The following EML6 variants were observed in gnomAD, a reference collection of about 807,000 sequenced individuals.
EML6 encodes EMAP like 6, also known as echinoderm microtubule-associated protein-like 6.
In EML6, 154 loss-of-function variants were observed where a neutral mutation model predicts 240.1. The ratio of observed to expected loss-of-function variants is 0.64; its 90% CI spans 0.56 to 0.73. The LOEUF (loss-of-function observed/expected upper bound fraction) is 0.73. Ranked by LOEUF, EML6 falls within the 30% of genes least tolerant of loss-of-function variation. EML6 has a pLI of 0.00. For synonymous variants in EML6, 1,148 were observed against 899.0 expected (o/e 1.28, Z -4.95); for missense variants, 2,964 against 2,474.6 (o/e 1.20, Z -4.20).
chr2:54,741,086 G>A (rs1254628832), intron 2 of EML6, among the ~76,000 whole-genome samples: 2 of 152,180 alleles, frequency 1.3e-5, no homozygotes, highest in East Asian at 1.9e-4. Context: ...CAGGCCACAC[G>A]ATCACAGCGA....
At chr2:54,796,079 A>C (rs1347991168) in intron 2 of EML6, among the ~76,000 whole-genome samples, 1 of 152,194 alleles carries the variant, frequency 6.6e-6, no homozygotes, top group Non-Finnish European at 1.5e-5. Context: ...GAGAAAAATT[A>C]TAACAAGGAT....
At chr2:54,761,275 A>T (rs1014076605) in intron 2 of EML6, among the ~76,000 whole-genome samples, 10 of 152,158 alleles carry the variant, frequency 6.6e-5, no homozygotes, top group Non-Finnish European at 8.8e-5. Flanking sequence ...TGAACCAAAA[A>T]ATATGATAAT....
At chr2:54,766,466 A>G (rs1177871559) in intron 2 of EML6, among the ~76,000 whole-genome samples, 1 of 152,130 alleles carries the variant, frequency 6.6e-6, no homozygotes, top group Non-Finnish European at 1.5e-5. Flanking sequence ...AATTTTGTTT[A>G]TATAATTTTG....
intron 2 of EML6, among the ~76,000 whole-genome samples, chr2:54,811,404 C>G (rs892274777): frequency 6.6e-6 from 1 of 152,180 alleles, no homozygotes; most frequent in Non-Finnish European, 1.5e-5. Context: ...CCCCTTTGCA[C>G]CTTGTCTTTC....
chr2:54,969,995 G>A, intron 41 of EML6, 76 bp from the exon 42 acceptor site: 3 of 1,490,990 alleles, frequency 2.0e-6, no homozygotes, highest in Non-Finnish European at 2.7e-6. Context: ...TGAGCACTTG[G>A]CAAGATTGTT....
intron 16 of EML6, among the ~76,000 whole-genome samples, chr2:54,874,546 T>C (rs1671408920): frequency 6.6e-6 from 1 of 152,210 alleles, no homozygotes; most frequent in Non-Finnish European, 1.5e-5. Flanking sequence ...GAAATTCACC[T>C]TTTTGTCTTA....
At chr2:54,898,955 G>A (rs1363363841) in intron 21 of EML6, among the ~76,000 whole-genome samples, 1 of 152,174 alleles carries the variant, frequency 6.6e-6, no homozygotes, top group African/African-American at 2.4e-5. Flanking sequence ...AAGTGTGTTT[G>A]TGATAAGATA....
chr2:54,730,104 C>T (rs1397897339), intron 2 of EML6, among the ~76,000 whole-genome samples: 1 of 151,406 alleles, frequency 6.6e-6, no homozygotes, highest in East Asian at 1.9e-4. Context: ...CTGTTGCACT[C>T]CAGCCTGGGC....
intron 26 of EML6, 33 bp downstream of exon 26, chr2:54,916,968 C>G (rs1673950007): frequency 6.8e-7 from 1 of 1,470,592 alleles, no homozygotes; most frequent in Non-Finnish European, 9.3e-7. Context: ...TTTACTTGCT[C>G]AGTCTCCTTA....
At chr2:54,846,188 G>C (rs1403298444) in intron 8 of EML6, among the ~76,000 whole-genome samples, 1 of 152,076 alleles carries the variant, frequency 6.6e-6, no homozygotes, top group Admixed American at 6.6e-5. Context: ...CCCATCACTT[G>C]GGCGCCCAGG....
intron 12 of EML6, among the ~76,000 whole-genome samples, chr2:54,860,153 T>G (rs1054873767): frequency 6.6e-6 from 1 of 152,126 alleles, no homozygotes. Context: ...CTTCCTGAAA[T>G]CAGGACAGGA....
At chr2:54,805,221 G>T (rs748577777) in intron 2 of EML6, among the ~76,000 whole-genome samples, 3 of 152,080 alleles carry the variant, frequency 2.0e-5, no homozygotes, top group Admixed American at 2.0e-4. Flanking sequence ...CTTGTTGTAC[G>T]TGTGACCTAT....
intron 26 of EML6, among the ~76,000 whole-genome samples, chr2:54,924,042 T>C (rs1341783869): frequency 2.0e-5 from 3 of 152,252 alleles, no homozygotes; most frequent in Non-Finnish European, 4.4e-5. Context: ...TGAACATACT[T>C]TTCCAGTTTT....
chr2:54,938,635 G>C (rs13021245), intron 28 of EML6, among the ~76,000 whole-genome samples: 1 of 152,136 alleles, frequency 6.6e-6, no homozygotes. Flanking sequence ...ACTTTGACAC[G>C]TCCACTATGG....
chr2:54,921,487 A>ACC (rs1674250099), intron 26 of EML6, among the ~76,000 whole-genome samples: 2 of 152,160 alleles, frequency 1.3e-5, no homozygotes, highest in Admixed American at 6.5e-5. Context: ...ATATTGTTAA[A>ACC]ATGTTCACAC....
chr2:54,725,337 G>C lies in EML6; in HGVS notation c.197+79G>C. ...GTGGGAAGCGGTTGACCTGGGGTCG[G>C]ATCCGGGAGCCCCGTGGAATAGAGG... On this transcript the variant is annotated intron_variant, in intron 2 of 41. Coordinates refer to ENST00000356458, the MANE Select transcript of EML6 (RefSeq NM_001039753.4). The surrounding 1 kb of genome is among the most constrained non-coding windows in gnomAD (Gnocchi z 4.3). 9.0e-7 allele frequency: 1 copy of C among 1,106,458 alleles called. No homozygotes were observed. The highest frequency in any genetic ancestry group is 1.2e-6 in the Non-Finnish European group (1 of 815,516). 68.5% of individuals were successfully genotyped at this position (1,106,458 alleles called of 1,614,324 possible).
chr2:54,968,517 C>T, intron 40 of EML6, 151 bp from the exon 41 acceptor site: 2 of 670,888 alleles, frequency 3.0e-6, no homozygotes, highest in East Asian at 2.7e-5. Flanking sequence ...GGAAAGTCAG[C>T]CAAAGGCTGG....
intron 2 of EML6, among the ~76,000 whole-genome samples, chr2:54,786,281 T>G (rs1342630578): frequency 6.6e-6 from 1 of 152,186 alleles, no homozygotes; most frequent in South Asian, 2.1e-4. Flanking sequence ...CCAGCCCTTT[T>G]TTGCTACTCT....
intron 2 of EML6, among the ~76,000 whole-genome samples, chr2:54,801,209 C>T (rs1670122712): frequency 6.6e-6 from 1 of 151,542 alleles, no homozygotes; most frequent in South Asian, 2.1e-4. Context: ...AGTCCCAGAT[C>T]CTCGGGAGGC....
Sources: allele counts gnomAD v4.1 joint callset (sites outside exome capture counted in the v4.1 genomes callset), GRCh38; gene constraint gnomAD v4.1.1; non-coding constraint Gnocchi (gnomAD v3.1); transcripts MANE v1.5; gene names NCBI Gene and HGNC (gene_info 2026-07-23, HGNC 2026-07-21).